Variants in TTC29 observed in about 807,000 individuals in gnomAD.
TTC29 encodes tetratricopeptide repeat protein 29.
Under a neutral mutation model 58.1 loss-of-function variants are expected in TTC29, and 49 were observed. The observed-to-expected ratio is 0.84, with a 90% CI of 0.67 to 1.07. The LOEUF is 1.07. Ranked by LOEUF, TTC29 falls within the 50% of genes least tolerant of loss-of-function variation. The pLI is 0.00. For synonymous variants in TTC29, 209 were observed against 196.8 expected, an observed-to-expected ratio of 1.06 and a Z score of -0.52; for missense variants, 582 against 555.6, an observed-to-expected ratio of 1.05 and a Z score of -0.48.
rs1350749056 is a variant in TTC29 at position 146,775,038 on chromosome 4, CTGTT to C, written c.1330+28415_1330+28418del. The stretch of plus-strand genomic sequence containing the variant: ...TTTTTGATCATTGTTGGTTAGAAGT[CTGTT>C]TGTCTTCTAACAATTAGAATAGCAA... On this transcript the variant is annotated intron_variant, in intron 11 of 12. Coordinates refer to ENST00000325106, the MANE Select transcript of TTC29 (RefSeq NM_031956.4). Among the ~76,000 whole-genome samples, 7 of 152,188 alleles carry C rather than the reference CTGTT, an allele frequency of 4.6e-5. No individual in the cohort carries two copies. In the East Asian group the frequency reaches 1.2e-3, roughly 25 times the overall value.
At chr4:146,788,741 T>C (rs1461517452) in intron 11 of TTC29, among the ~76,000 whole-genome samples, 1 of 152,138 alleles carries the variant, frequency 6.6e-6, no homozygotes, top group Non-Finnish European at 1.5e-5. Context: ...TGCTGTCATA[T>C]ACCACTTAGA....
At position 146,929,936 on chromosome 4, in the gene TTC29, G is replaced by A. The variant is rs928940468; in HGVS notation, c.176+7658C>T. Among the ~76,000 whole-genome samples the A allele has an allele frequency of 1.1e-4, 17 of 151,222 alleles. 1 individual carries two copies. Among genetic ancestry groups the A allele is most frequent in the Admixed American group, 9.9e-4 (15 of 15,150 alleles). ...TATATTGAAAGATTTTTATATAGTGGTATGTAGAAAATTGGGATTAATAGT... is the reference window on the plus strand; with the variant it reads ...TATATTGAAAGATTTTTATATAGTGATATGTAGAAAATTGGGATTAATAGT... On this transcript the variant is annotated intron_variant, in intron 4 of 12. Coordinates refer to ENST00000325106, the MANE Select transcript of TTC29 (RefSeq NM_031956.4).
intron 11 of TTC29, among the ~76,000 whole-genome samples, chr4:146,791,970 T>C (rs1283170939): frequency 1.3e-5 from 2 of 152,156 alleles, no homozygotes; most frequent in African/African-American, 4.8e-5. Context: ...GTAAGGAAGC[T>C]TCAGAAGAAA....
chr4:146,933,402 A>G (rs949294193), intron 4 of TTC29, among the ~76,000 whole-genome samples: 5 of 152,264 alleles, frequency 3.3e-5, no homozygotes. Flanking sequence ...ATTTGAATCT[A>G]TAAATGACTC....
intron 11 of TTC29, among the ~76,000 whole-genome samples, chr4:146,803,159 C>T (rs987980624): frequency 2.0e-5 from 3 of 152,068 alleles, no homozygotes; most frequent in Admixed American, 2.0e-4. Flanking sequence ...ATTTCACATT[C>T]CTTATGCCTC....
chr4:146,708,346 ATATATATATACAC>A (rs1742198778), intron 11 of TTC29, among the ~76,000 whole-genome samples: 4 of 22,926 alleles, frequency 1.7e-4, no homozygotes, highest in South Asian at 2.8e-3. Flanking sequence ...ATATATATAT[ATATATATATACAC>A]ATGTATGTGT....
intron 8 of TTC29, among the ~76,000 whole-genome samples, chr4:146,847,752 G>A (rs1437025149): frequency 6.6e-6 from 1 of 152,210 alleles, no homozygotes; most frequent in African/African-American, 2.4e-5. Context: ...TGGGGACCAG[G>A]GTAAGTACAA....
At chr4:146,802,644 A>T (rs936622136) in intron 11 of TTC29, among the ~76,000 whole-genome samples, 1 of 152,230 alleles carries the variant, frequency 6.6e-6, no homozygotes, top group Non-Finnish European at 1.5e-5. Context: ...ACCACAGGGG[A>T]AAACAAAGAG....
In TTC29 at chr4:146,787,315, T is replaced by A. The variant is rs182260659; in HGVS notation, c.1330+16142A>T. Among the ~76,000 whole-genome samples the A allele has an allele frequency of 8.3e-4, 127 of 152,290 alleles. 2 individuals are homozygous for A. The highest frequency in any genetic ancestry group is 2.4e-3 in the African/African-American group (101 of 41,568). ...ATGAAAGAATTCTACTTAAACATCA[T>A]GCTCAATAGGTAATGCAACATAATT... is the stretch of plus-strand genomic sequence containing the variant. On this transcript the variant is annotated intron_variant, in intron 11 of 12. Transcript: ENST00000325106.
intron 10 of TTC29, among the ~76,000 whole-genome samples, chr4:146,816,774 T>C (rs1474524632): frequency 1.3e-5 from 2 of 152,190 alleles, no homozygotes; most frequent in Non-Finnish European, 2.9e-5. Flanking sequence ...ACTTACTCTA[T>C]ATCAGGAACT....
At chr4:146,713,745 G>T (rs557688639) in intron 11 of TTC29, among the ~76,000 whole-genome samples, 2 of 151,724 alleles carry the variant, frequency 1.3e-5, no homozygotes, top group African/African-American at 2.4e-5. Flanking sequence ...AAAGTATAGG[G>T]TTTTTTTTAA....
chr4:146,798,034 C>A (rs1446304428), intron 11 of TTC29, among the ~76,000 whole-genome samples: 3 of 151,898 alleles, frequency 2.0e-5, no homozygotes, highest in South Asian at 2.1e-4. Context: ...GTTCACTAAC[C>A]TTTTCCTTTG....
At chr4:146,817,495 T>C (rs893473346) in intron 10 of TTC29, among the ~76,000 whole-genome samples, 5 of 152,126 alleles carry the variant, frequency 3.3e-5, no homozygotes, top group African/African-American at 1.2e-4. Context: ...ATTGTGAAAA[T>C]GGCCATACTG....
At chr4:146,807,976 T>C (rs1489433511) in intron 10 of TTC29, among the ~76,000 whole-genome samples, 1 of 152,198 alleles carries the variant, frequency 6.6e-6, no homozygotes, top group African/African-American at 2.4e-5. Flanking sequence ...TGAACATTGA[T>C]GCAAAAATCC....
At chr4:146,708,331 T>TAC (rs1742167015) in intron 11 of TTC29, among the ~76,000 whole-genome samples, 1 of 66,940 alleles carries the variant, frequency 1.5e-5, no homozygotes, top group African/African-American at 4.5e-5. Flanking sequence ...TATATATATA[T>TAC]ATATATATAT....
At chr4:146,912,380 A>G (rs1263604800) in intron 4 of TTC29, among the ~76,000 whole-genome samples, 1 of 150,740 alleles carries the variant, frequency 6.6e-6, no homozygotes, top group Non-Finnish European at 1.5e-5. Context: ...TACTTATTCT[A>G]AAAAAAAATT....
chr4:146,783,557 C>T (rs1186537172), intron 11 of TTC29, among the ~76,000 whole-genome samples: 2 of 152,016 alleles, frequency 1.3e-5, no homozygotes, highest in Non-Finnish European at 2.9e-5. Flanking sequence ...ATCTGCGATG[C>T]CTTAACATAA....
At chr4:146,778,999 A>AAAAAAAAAAAAAAAG (rs1748355263) in intron 11 of TTC29, among the ~76,000 whole-genome samples, 2 of 78,238 alleles carry the variant, frequency 2.6e-5, no homozygotes, top group East Asian at 8.8e-4. Context: ...AAAAAAAAAA[A>AAAAAAAAAAAAAAAG]AAAAGAAAAG....
At chr4:146,839,256 T>G (rs1310366088) in intron 8 of TTC29, among the ~76,000 whole-genome samples, 1 of 151,984 alleles carries the variant, frequency 6.6e-6, no homozygotes, top group African/African-American at 2.4e-5. Flanking sequence ...AGTAGAGATA[T>G]TATAGATAAT....
Sources: allele counts gnomAD v4.1 joint callset (sites outside exome capture counted in the v4.1 genomes callset), GRCh38; gene constraint gnomAD v4.1.1; transcripts MANE v1.5; gene names NCBI Gene and HGNC (gene_info 2026-07-23, HGNC 2026-07-21).